Variants in ARHGAP26 observed in about 807,000 individuals in gnomAD.
ARHGAP26 encodes the protein Rho GTPase activating protein 26.
In ARHGAP26, 38 loss-of-function variants were observed where a neutral mutation model predicts 104.8. That is an observed-to-expected ratio of 0.36 (90% CI 0.28 to 0.48). ARHGAP26 has a LOEUF of 0.48. Among genes scored for constraint, ARHGAP26 ranks in the 20% least tolerant of loss-of-function variants. The pLI, the probability that ARHGAP26 is intolerant of heterozygous loss-of-function variation, is 0.99. For synonymous variants in ARHGAP26, 341 were observed against 340.0 expected (o/e 1.00, Z -0.03); for missense variants, 704 against 947.9 (o/e 0.74, Z 3.38).
chr5:142,836,053 G>C (rs1349712172), intron 1 of ARHGAP26, among the ~76,000 whole-genome samples: 2 of 152,184 alleles, frequency 1.3e-5, no homozygotes, highest in Non-Finnish European at 2.9e-5. Context: ...ACCCTTTCTT[G>C]GTTCTTGGGA....
At chr5:143,065,655 TG>T (rs546568357) in intron 17 of ARHGAP26, among the ~76,000 whole-genome samples, 415 of 152,328 alleles carry the variant, frequency 2.7e-3, no homozygotes, top group Middle Eastern at 0.01. Flanking sequence ...TTCTCCTGTT[TG>T]TATTGCAGCC....
chr5:142,907,774 A>C lies in ARHGAP26; in HGVS notation c.903A>C (p.Val301=), dbSNP rs761340951. ...YQRDSKQITM[V]PFDQKSGGKG... is the part of the protein sequence containing the mutation. ...GGGATTCCAAACAAATCACCATGGT[A>C]CCATTTGACCAAAAGTCAGGAGGAA... Residue 301 remains valine, a synonymous_variant, in exon 9 of 23, where the codon GTA becomes GTC. Coordinates refer to ENST00000645722, the MANE Select transcript of ARHGAP26 (RefSeq NM_001135608.3). The C allele has an allele frequency of 6.2e-7, 1 of 1,611,544 alleles. No individual in the cohort carries two copies. The highest frequency in any genetic ancestry group is 8.5e-7 in the Non-Finnish European group (1 of 1,178,326).
At chr5:143,204,617 C>T (rs776895903) in intron 20 of ARHGAP26, among the ~76,000 whole-genome samples, 5 of 152,126 alleles carry the variant, frequency 3.3e-5, no homozygotes, top group East Asian at 1.9e-4. Context: ...GCATTCCAGC[C>T]GCACCCCCAG....
In ARHGAP26 at chr5:142,937,879, A is replaced by G. The variant is rs1419561468; in HGVS notation, c.1107+5754A>G. Among the ~76,000 whole-genome samples, 4 of 152,164 alleles carry G rather than the reference A, an allele frequency of 2.6e-5. 1 individual carries two copies. Among genetic ancestry groups the G allele is most frequent in the Admixed American group, 6.5e-5 (1 of 15,276 alleles). On this transcript the variant is annotated intron_variant, in intron 11 of 22. Transcript: ENST00000645722. ...ATAGTGATATCCAGGGTATACGGAC[A>G]TTGGAAGTAGGAAGCAACTATAAAG...
intron 11 of ARHGAP26, among the ~76,000 whole-genome samples, chr5:142,999,153 C>T (rs1045596007): frequency 9.2e-5 from 14 of 152,220 alleles, no homozygotes; most frequent in Middle Eastern, 6.8e-3. Flanking sequence ...TACAGAGAGA[C>T]GAAGAGGTTT....
intron 17 of ARHGAP26, among the ~76,000 whole-genome samples, chr5:143,084,824 A>G (rs185103047): frequency 3.3e-5 from 5 of 152,234 alleles, no homozygotes; most frequent in Middle Eastern, 3.4e-3. Context: ...AGGTGGAAAG[A>G]TCACGTGGTC....
intron 1 of ARHGAP26, among the ~76,000 whole-genome samples, chr5:142,816,200 C>G (rs1260098610): frequency 6.6e-6 from 1 of 152,176 alleles, no homozygotes; most frequent in Non-Finnish European, 1.5e-5. Context: ...TTTGGCTCAT[C>G]ATTAGATGGA....
At chr5:142,771,418 A>G (rs1046415891) in intron 1 of ARHGAP26, 7 of 1,231,674 alleles carry the variant, frequency 5.7e-6, no homozygotes, top group Non-Finnish European at 7.1e-6. Flanking sequence ...GCTCCAGCCT[A>G]GTCAGGCCGC....
In ARHGAP26 at chr5:143,227,336, G is replaced by A; in HGVS notation, c.*4890G>A. On this transcript the variant is annotated 3_prime_UTR_variant, in exon 23 of 23. Transcript: ENST00000645722. ...CCAAAGGAGTTATCTATCATCTCTG[G>A]CAAACTTGACAATCATCACTTACCT... 4.3e-6 allele frequency: 1 copy of A among 230,734 alleles called. No individual in the cohort carries two copies. Among genetic ancestry groups the A allele is most frequent in the Non-Finnish European group, 8.6e-6 (1 of 116,572 alleles). The allele number at this position is 230,734 out of a possible 1,614,324, so 14.3% of individuals were successfully genotyped here. A position where few individuals can be genotyped will look rare whatever the true frequency, so the allele number is the denominator to read the frequency against.
intron 20 of ARHGAP26, among the ~76,000 whole-genome samples, chr5:143,178,602 C>T (rs1430039532): frequency 1.3e-5 from 2 of 152,224 alleles, no homozygotes; most frequent in Non-Finnish European, 2.9e-5. Context: ...TTCAGCGCTA[C>T]TACAATAGCT....
intron 17 of ARHGAP26, among the ~76,000 whole-genome samples, chr5:143,093,678 T>C (rs919022634): frequency 7.9e-5 from 12 of 151,946 alleles, no homozygotes; most frequent in African/African-American, 2.7e-4. Context: ...TCTTTCCCCC[T>C]TTCTCCTCTC....
chr5:143,182,876 C>T (rs1185454595), intron 20 of ARHGAP26, among the ~76,000 whole-genome samples: 10 of 152,016 alleles, frequency 6.6e-5, no homozygotes. Context: ...AGGGTACAGT[C>T]ATTGGTTTTA....
chr5:142,849,228 C>T (rs372110716), intron 1 of ARHGAP26, among the ~76,000 whole-genome samples: 2 of 152,120 alleles, frequency 1.3e-5, no homozygotes, highest in Admixed American at 6.5e-5. Flanking sequence ...AAAGCAATTC[C>T]AGTAGGTTTT....
chr5:142,863,622 A>G (rs1173145531), intron 1 of ARHGAP26, among the ~76,000 whole-genome samples: 1 of 152,216 alleles, frequency 6.6e-6, no homozygotes, highest in Non-Finnish European at 1.5e-5. Context: ...TGCTAGGAGA[A>G]TAAAGAAGCT....
intron 4 of ARHGAP26, among the ~76,000 whole-genome samples, chr5:142,884,600 G>A (rs1376165167): frequency 6.6e-6 from 1 of 152,098 alleles, no homozygotes; most frequent in Non-Finnish European, 1.5e-5. Context: ...TTTCTCTCTA[G>A]TTTTCCAATG....
intron 1 of ARHGAP26, among the ~76,000 whole-genome samples, chr5:142,812,214 C>A (rs1049195437): frequency 1.3e-5 from 2 of 152,102 alleles, no homozygotes; most frequent in African/African-American, 4.8e-5. Context: ...CAGTTCTTTA[C>A]AGGAAAACTC....
intron 11 of ARHGAP26, among the ~76,000 whole-genome samples, chr5:142,966,234 C>T (rs1289019909): frequency 6.6e-6 from 1 of 152,188 alleles, no homozygotes; most frequent in East Asian, 1.9e-4. Context: ...GCATGCACAC[C>T]TACACAGACA....
rs114071943 is a variant in ARHGAP26 at position 143,016,676 on chromosome 5, C to T, written c.1144+2560C>T. Among the ~76,000 whole-genome samples the T allele has an allele frequency of 6.4e-3, 880 of 137,072 alleles. 12 individuals carry two copies. The highest frequency in any genetic ancestry group is 0.024 in the African/African-American group (858 of 36,314). 89.9% of individuals were successfully genotyped at this position (137,072 alleles called of 152,430 possible). ...CAAGATCGTGCTATTGCACTCCATC[C>T]TGGGCAATAGACTGAGACTCTGTCT... On this transcript the variant is annotated intron_variant, in intron 12 of 22. Transcript: ENST00000645722.
At chr5:143,042,297 C>T (rs1783582961) in intron 14 of ARHGAP26, among the ~76,000 whole-genome samples, 1 of 152,166 alleles carries the variant, frequency 6.6e-6, no homozygotes, top group Non-Finnish European at 1.5e-5. Flanking sequence ...CTCCAGAGGA[C>T]CTCAGAGTTC....
Sources: gnomAD v4.1 joint callset for allele counts (sites outside exome capture counted in the v4.1 genomes callset) on GRCh38, gnomAD v4.1.1 for gene constraint, MANE v1.5 for transcripts, NCBI Gene and HGNC (gene_info 2026-07-23, HGNC 2026-07-21) for gene names.